The following ARAP1 variants were observed in gnomAD, a reference collection of about 807,000 sequenced individuals.
The protein encoded by ARAP1 is arf-GAP with Rho-GAP domain, ANK repeat and PH domain-containing protein 1.
Under a neutral mutation model 172.2 loss-of-function variants are expected in ARAP1, and 76 were observed. That is an observed-to-expected ratio of 0.44 (90% CI 0.37 to 0.53). The LOEUF (loss-of-function observed/expected upper bound fraction) is 0.53, where lower values mean the gene tolerates loss of function less well. ARAP1 is among the 20% of genes least tolerant of loss of function. ARAP1 has a pLI of 0.00. For synonymous variants in ARAP1, 804 were observed against 803.3 expected (o/e 1.00, Z -0.01); for missense variants, 1,686 against 1,977.5 (o/e 0.85, Z 2.80).
In ARAP1 at chr11:72,696,490, G is replaced by A. The variant is rs370554665; in HGVS notation, c.3272+59C>T. On this transcript the variant is annotated intron_variant, in intron 23 of 34. Coordinates refer to ENST00000393609, the MANE Select transcript of ARAP1 (RefSeq NM_001040118.3). ...CCAGAGGAGGGTAGTCAGCCAGGGTGGGGGTAGAAGAACCTTCATCCCATC... is the reference window on the plus strand; with the variant it reads ...CCAGAGGAGGGTAGTCAGCCAGGGTAGGGGTAGAAGAACCTTCATCCCATC... 80 of 1,374,006 alleles carry A rather than the reference G, an allele frequency of 5.8e-5. No individual in the cohort carries two copies. The South Asian group carries it at 1.0e-3, about 18-fold the overall frequency. The allele number at this position is 1,374,006 out of a possible 1,614,324, so 85.1% of individuals were successfully genotyped here.
At position 72,710,083 on chromosome 11, in the gene ARAP1, T is replaced by G. The variant is rs573211926; in HGVS notation, c.1417-107A>C. ...GGTGCAACTCAGGGACTGGGGGGGG[T>G]GCCCAGGAGGGAGACAGCAGGGGAC... On this transcript the variant is annotated intron_variant, in intron 10 of 34. Coordinates refer to ENST00000393609, the MANE Select transcript of ARAP1 (RefSeq NM_001040118.3). The surrounding 1 kb of genome is among the most constrained non-coding windows in gnomAD (Gnocchi z 4.3). 2.7e-4 allele frequency: 275 copies of G among 1,028,320 alleles called. 1 individual carries two copies. The African/African-American group carries it at 4.0e-3, about 15-fold the overall frequency. The allele number at this position is 1,028,320 out of a possible 1,614,324, so 63.7% of individuals were successfully genotyped here. A position where few individuals can be genotyped will look rare whatever the true frequency, so the allele number is the denominator to read the frequency against.
At chr11:72,720,317 C>T (rs542696232) in intron 3 of ARAP1, among the ~76,000 whole-genome samples, 51 of 152,294 alleles carry the variant, frequency 3.3e-4, no homozygotes, top group African/African-American at 1.1e-3. Flanking sequence ...TCCTCTGTGG[C>T]TTCTTCCTTC....
At position 72,750,449 on chromosome 11, in the gene ARAP1, T is replaced by C. The variant is rs545427070; in HGVS notation, c.-128+1879A>G. Among the ~76,000 whole-genome samples the C allele has an allele frequency of 4.3e-4, 66 of 152,212 alleles. 1 individual carries two copies. The highest frequency in any genetic ancestry group is 4.0e-3 in the Admixed American group (61 of 15,296). On this transcript the variant is annotated intron_variant, in intron 1 of 34. Transcript: ENST00000393609. ...GACTCCCCACCTCCAGCCGATGCCC[T>C]AGGCCTGGTCCACCACTAGCCCCCG...
At chr11:72,748,167 C>T (rs1181603076) in intron 1 of ARAP1, among the ~76,000 whole-genome samples, 2 of 152,182 alleles carry the variant, frequency 1.3e-5, no homozygotes, top group Non-Finnish European at 2.9e-5. Flanking sequence ...AGCACACTGC[C>T]TGGCACATAG....
chr11:72,709,833 G>C, intron 11 of ARAP1, 37 bp downstream of exon 11: 1 of 1,600,486 alleles, frequency 6.2e-7, no homozygotes, highest in Non-Finnish European at 8.6e-7. Context: ...TTAGGAAGGA[G>C]TGAGGATGCC....
chr11:72,703,414 G>GT lies in ARAP1; in HGVS notation c.1993-336_1993-335insA, dbSNP rs1555013463. 1.9e-4 allele frequency: 31 copies of GT among 163,862 alleles called. 3 individuals carry two copies. In the South Asian group the frequency reaches 2.2e-3, roughly 12 times the overall value. The allele number at this position is 163,862 out of a possible 1,614,324, so 10.2% of individuals were successfully genotyped here. ...TTCTGCCTTGTGGAGGAGCCGGGGG[G>GT]GGGGTGTGCTTTGTAGCTAATTCCT... On this transcript the variant is annotated intron_variant, in intron 14 of 34. Coordinates refer to ENST00000393609, the MANE Select transcript of ARAP1 (RefSeq NM_001040118.3).
intron 3 of ARAP1, among the ~76,000 whole-genome samples, chr11:72,717,417 C>G (rs1468043338): frequency 1.3e-5 from 2 of 152,180 alleles, no homozygotes; most frequent in Non-Finnish European, 2.9e-5. Flanking sequence ...TCCCCCAGGT[C>G]TGAGGGCCAG....
At chr11:72,687,597 A>G (rs1286846127) in intron 32 of ARAP1, 91 bp downstream of exon 32, 1 of 1,611,740 alleles carries the variant, frequency 6.2e-7, no homozygotes, top group African/African-American at 1.3e-5. Flanking sequence ...GCTAGTGGTC[A>G]CAGATCTGGG....
intron 11 of ARAP1, chr11:72,708,370 G>A (rs79332998): frequency 6.6e-6 from 1 of 152,280 alleles, no homozygotes; most frequent in African/African-American, 2.4e-5. Context: ...AGCTGGGGGA[G>A]GCCCTTTGTG....
chr11:72,730,450 G>A (rs58076660), intron 2 of ARAP1, among the ~76,000 whole-genome samples: 22,201 of 152,082 alleles, frequency 0.15, 1,947 homozygotes, highest in African/African-American at 0.23. Flanking sequence ...TGGGCTGGGC[G>A]CGGTGGCTCA....
chr11:72,696,806 T>C, intron 22 of ARAP1, 152 bp from the exon 23 acceptor site: 19 of 943,308 alleles, frequency 2.0e-5, no homozygotes, highest in Non-Finnish European at 2.9e-5. Context: ...TAAGGAACTC[T>C]CGGTCTTCCA....
intron 3 of ARAP1, among the ~76,000 whole-genome samples, chr11:72,722,563 T>G (rs1316405845): frequency 1.3e-5 from 2 of 152,162 alleles, no homozygotes; most frequent in African/African-American, 2.4e-5. Context: ...GGAAAGAGGC[T>G]CTCTGAAGGG....
At chr11:72,689,475 C>T (rs1230307376) in intron 30 of ARAP1, 1 of 152,322 alleles carries the variant, frequency 6.6e-6, no homozygotes, top group Non-Finnish European at 1.5e-5. Context: ...AAGACTGAGC[C>T]ACCTCCCCCC....
rs1365543703 is a variant in ARAP1 at position 72,725,025 on chromosome 11, C to T, written c.509+1595G>A. ...CTCAGATGTCAGTGCCAGGAGGGCC[C>T]AGAAGTCTATGGAGGACCACAGAGG... On this transcript the variant is annotated intron_variant, in intron 3 of 34. Coordinates refer to ENST00000393609, the MANE Select transcript of ARAP1 (RefSeq NM_001040118.3). This position sits in a 1 kb window ranked among gnomAD's most constrained non-coding sequence, Gnocchi z 4.3. Among the ~76,000 whole-genome samples, 1 of 152,128 alleles carries T rather than the reference C, an allele frequency of 6.6e-6. No homozygotes were observed. Among genetic ancestry groups the T allele is most frequent in the East Asian group, 1.9e-4 (1 of 5,182 alleles).
At chr11:72,721,786 C>A (rs1211577418) in intron 3 of ARAP1, 4 of 987,192 alleles carry the variant, frequency 4.1e-6, no homozygotes, top group Non-Finnish European at 3.6e-6. Flanking sequence ...GGGACTTCAG[C>A]CCTCCCAGGG....
Position 72,728,993 on chromosome 11 carries a change from TAA to T in ARAP1, c.-44-1823_-44-1822del, listed in dbSNP as rs763600092. ...AAGCAGGGGTGGAGGGCGGGGAGGG[TAA>T]AGAGTAGGAGTCAACCTCACCACAT... is the stretch of plus-strand genomic sequence containing the variant. On this transcript the variant is annotated intron_variant, in intron 2 of 34. Transcript: ENST00000393609. Among the ~76,000 whole-genome samples the T allele has an allele frequency of 8.6e-5, 13 of 151,850 alleles. No individual in the cohort carries two copies. In the Middle Eastern group the frequency reaches 0.01, roughly 119 times the overall value.
chr11:72,749,289 T>G (rs1225726502), intron 1 of ARAP1, among the ~76,000 whole-genome samples: 1 of 152,230 alleles, frequency 6.6e-6, no homozygotes, highest in Non-Finnish European at 1.5e-5. Context: ...CCTCCCAATG[T>G]ATTCTTACAC....
At chr11:72,687,846 T>TTC in intron 31 of ARAP1, 108 bp from the exon 32 acceptor site, 1 of 1,309,270 alleles carries the variant, frequency 7.6e-7, no homozygotes. Flanking sequence ...AGAGCCAGAG[T>TTC]TCAGAGCCTT....
In ARAP1 at chr11:72,699,873, T is replaced by C. The variant is rs1856395633; in HGVS notation, c.2303-321A>G. The C allele has an allele frequency of 2.6e-6, 1 of 384,562 alleles. No homozygotes were observed. Among genetic ancestry groups the C allele is most frequent in the South Asian group, 3.1e-5 (1 of 32,716 alleles). 23.8% of individuals were successfully genotyped at this position (384,562 alleles called of 1,614,324 possible). On this transcript the variant is annotated intron_variant, in intron 16 of 34. Transcript: ENST00000393609. The surrounding 1 kb of genome is among the most constrained non-coding windows in gnomAD (Gnocchi z 4.2). ...CCCCTCAGCCTGCCATTCAAGGCCC[T>C]GCCAGGTCTACCCCTGCCCGTCTCT...
Sources: gnomAD v4.1 joint callset for allele counts (sites outside exome capture counted in the v4.1 genomes callset) on GRCh38, gnomAD v4.1.1 for gene constraint, Gnocchi (gnomAD v3.1) non-coding constraint, MANE v1.5 for transcripts, NCBI Gene and HGNC (gene_info 2026-07-23, HGNC 2026-07-21) for gene names.